The following SLC6A14 variants were observed in gnomAD, a reference collection of about 807,000 sequenced individuals.
SLC6A14 encodes sodium- and chloride-dependent neutral and basic amino acid transporter B(0+).
SLC6A14 carries 21 observed loss-of-function variants against 51.4 expected under a neutral mutation model. The observed-to-expected ratio is 0.41, with a 90% CI of 0.29 to 0.59. The LOEUF (loss-of-function observed/expected upper bound fraction) is 0.59. Ranked by LOEUF, SLC6A14 falls within the 20% of genes least tolerant of loss-of-function variation. The pLI is 0.31. For synonymous variants in SLC6A14, 177 were observed against 160.7 expected, an observed-to-expected ratio of 1.10 and a Z score of -0.77; for missense variants, 371 against 472.8, an observed-to-expected ratio of 0.78 and a Z score of 2.00.
rs112399901 is a variant in SLC6A14, at chrX:116,457,310, A to G, written c.1615-299A>G. 1.4e-3 allele frequency among the ~76,000 whole-genome samples: 161 copies of G among 111,823 alleles called. 1 individual carries two copies. The highest frequency in any genetic ancestry group is 4.8e-3 in the African/African-American group (149 of 30,919). ...AATTTCAGATATTATTTTACTTTCA[A>G]TCTGATATATGGTCAAGTATTTTAT... On this transcript the variant is annotated intron_variant, in intron 12 of 13. Transcript: ENST00000598581.
intron 2 of SLC6A14, among the ~76,000 whole-genome samples, chrX:116,439,907 C>T (rs889437898): frequency 6.3e-5 from 7 of 110,541 alleles, no homozygotes; most frequent in Non-Finnish European, 1.3e-4. Flanking sequence ...TTTATAGACT[C>T]ATTTTTAGTA....
Position 116,439,000 on chromosome X carries a change from C to T in SLC6A14, c.214+1045C>T, listed in dbSNP as rs184218973. Among the ~76,000 whole-genome samples, 88 of 110,940 alleles carry T rather than the reference C, an allele frequency of 7.9e-4. 1 individual carries two copies. Among genetic ancestry groups the T allele is most frequent in the African/African-American group, 2.7e-3 (82 of 30,643 alleles). ...CTGGGTCATTTAGTTGTCTTGGTAT[C>T]GAATATTAGCTGGAAAATGCATCAG... On this transcript the variant is annotated intron_variant, in intron 2 of 13. Coordinates refer to ENST00000598581, the MANE Select transcript of SLC6A14 (RefSeq NM_007231.5).
chrX:116,449,797 G>A (rs782285404), intron 7 of SLC6A14, among the ~76,000 whole-genome samples: 2 of 111,790 alleles, frequency 1.8e-5, no homozygotes, highest in South Asian at 3.7e-4. Context: ...TTGGTATGTG[G>A]CAGAGGTGGC....
intron 2 of SLC6A14, among the ~76,000 whole-genome samples, chrX:116,439,692 C>A (rs1278424139): frequency 9.1e-6 from 1 of 110,451 alleles, no homozygotes; most frequent in Non-Finnish European, 1.9e-5. Context: ...TCACACTCGG[C>A]TGGTAAAGCT....
At chrX:116,441,564 T>C (rs1415140391) in intron 3 of SLC6A14, among the ~76,000 whole-genome samples, 2 of 112,432 alleles carry the variant, frequency 1.8e-5, no homozygotes, top group African/African-American at 6.5e-5. Flanking sequence ...AATAGGACAC[T>C]GGTAAAGCTT....
chrX:116,451,717 C>T, intron 8 of SLC6A14, 47 bp downstream of exon 8: 1 of 744,491 alleles, frequency 1.3e-6, no homozygotes, highest in East Asian at 3.4e-5. Flanking sequence ...CAATGTATCT[C>T]ACTTATGAAA....
Position 116,441,057 on chromosome X carries a change from A to T in SLC6A14, c.306A>T (p.Leu102Phe). The T allele has an allele frequency of 8.3e-7, 1 of 1,210,664 alleles. No individual in the cohort carries two copies. Among genetic ancestry groups the T allele is most frequent in the Non-Finnish European group, 1.1e-6 (1 of 894,663 alleles). The change falls in exon 3 of 14, where the codon TTA becomes TTT. Residue 102 changes from leucine (L) to phenylalanine (F), a missense_variant. Physicochemically the swap from Leu to Phe is conservative, Grantham distance 22. This residue lies in a region of SLC6A14 where 277 missense variants were observed against 391.8 expected (regional missense o/e 0.71). Transcript: ENST00000598581. ...LECSLGQFAS[L>F]GPVSVWRILP... ...GTTCACTGGGACAATTTGCTAGCTT[A>T]GGTCCAGTTTCAGTTTGGAGGATTC...
chrX:116,443,585 G>T, intron 4 of SLC6A14, 58 bp from the exon 5 acceptor site: 1 of 827,765 alleles, frequency 1.2e-6, no homozygotes, highest in Non-Finnish European at 1.6e-6. Context: ...CATTTTCTAG[G>T]AAAGTAATCT....
At chrX:116,446,355 C>A (rs782265068) in intron 6 of SLC6A14, among the ~76,000 whole-genome samples, 1 of 111,526 alleles carries the variant, frequency 9.0e-6, no homozygotes, top group East Asian at 2.8e-4. Flanking sequence ...ATATATTAAC[C>A]AATGCAGGGT....
chrX:116,448,748 A>G (rs1323118811), intron 7 of SLC6A14, among the ~76,000 whole-genome samples: 8 of 111,647 alleles, frequency 7.2e-5, no homozygotes, highest in African/African-American at 2.6e-4. Flanking sequence ...CCTAAGATAT[A>G]TGGGTTTTGT....
In SLC6A14 at chrX:116,438,832, G is replaced by A. The variant is rs190343724; in HGVS notation, c.214+877G>A. ...ATAATTATTTTTCTTAGTATAATAG[G>A]ATTTTGTGTGGTGATATTTCAATCA... On this transcript the variant is annotated intron_variant, in intron 2 of 13. Coordinates refer to ENST00000598581, the MANE Select transcript of SLC6A14 (RefSeq NM_007231.5). Among the ~76,000 whole-genome samples, 319 of 111,701 alleles carry A rather than the reference G, an allele frequency of 2.9e-3. 1 individual carries two copies. Among genetic ancestry groups the A allele is most frequent in the Middle Eastern group, 9.2e-3 (2 of 218 alleles).
intron 7 of SLC6A14, among the ~76,000 whole-genome samples, chrX:116,449,267 T>G (rs1250164242): frequency 8.9e-6 from 1 of 112,013 alleles, no homozygotes; most frequent in Non-Finnish European, 1.9e-5. Context: ...GGTATGAGAT[T>G]AACAGATATG....
rs1448031009 is a variant in SLC6A14 at position 116,448,123 on chromosome X, T to C, written c.930+1242T>C. On this transcript the variant is annotated intron_variant, in intron 7 of 13. Transcript: ENST00000598581. The stretch of plus-strand genomic sequence containing the variant: ...TTTTCTAAATACTTACAAGAGGATG[T>C]GTAATTATTTCTTGTAAAGATTTTT... Among the ~76,000 whole-genome samples, 21 of 112,171 alleles carry C rather than the reference T, an allele frequency of 1.9e-4. No individual in the cohort carries two copies. The Admixed American group carries it at 1.9e-3, about 10-fold the overall frequency.
intron 7 of SLC6A14, among the ~76,000 whole-genome samples, chrX:116,449,270 C>G (rs1191836831): frequency 1.8e-5 from 2 of 111,725 alleles, no homozygotes; most frequent in African/African-American, 6.5e-5. Flanking sequence ...ATGAGATTAA[C>G]AGATATGGAG....
intron 7 of SLC6A14, among the ~76,000 whole-genome samples, chrX:116,450,988 C>G (rs1556694367): frequency 8.9e-6 from 1 of 112,045 alleles, no homozygotes; most frequent in African/African-American, 3.2e-5. Flanking sequence ...ATGATTAAAA[C>G]TACATATATT....
At chrX:116,451,981 A>G (rs1461975822) in intron 8 of SLC6A14, among the ~76,000 whole-genome samples, 1 of 111,828 alleles carries the variant, frequency 8.9e-6, no homozygotes, top group African/African-American at 3.2e-5. Context: ...CTGTACAATT[A>G]TACTATTGGG....
Position 116,436,749 on chromosome X carries a change from G to C in SLC6A14, c.40G>C (p.Glu14Gln). The stretch of plus-strand genomic sequence containing the variant: ...ATGCCCGAGTTTCTTCAAGTGCAGG[G>C]AGAAGGAGGTAGGGGTCTGGGAGCT... ...LKCPSFFKCR[E>Q]KEKVSASSEN... Residue 14 changes from glutamate (E) to glutamine (Q), a missense_variant, in exon 1 of 14, where the codon GAG becomes CAG. Transcript: ENST00000598581. 1.7e-6 allele frequency: 2 copies of C among 1,165,847 alleles called. No individual in the cohort carries two copies. The highest frequency in any genetic ancestry group is 1.9e-5 in the South Asian group (1 of 52,432).
chrX:116,442,913 T>C, intron 4 of SLC6A14, 65 bp downstream of exon 4: 1 of 822,432 alleles, frequency 1.2e-6, no homozygotes, highest in Non-Finnish European at 1.7e-6. Context: ...AAGGGTCAAA[T>C]CATTCTCTAA....
In SLC6A14 at chrX:116,459,936, G is replaced by C. The variant is rs1556695041; in HGVS notation, c.*981G>C. 9.0e-6 allele frequency: 1 copy of C among 111,483 alleles called. No individual in the cohort carries two copies. 9.2% of individuals were successfully genotyped at this position (111,483 alleles called of 1,213,427 possible). ...TTGCATACTATTGGAAGATAAACTT[G>C]TCAAACTTGTCAAGAATGAGAAAAG... On this transcript the variant is annotated 3_prime_UTR_variant, in exon 14 of 14. Transcript: ENST00000598581.
Sources: allele counts gnomAD v4.1 joint callset (sites outside exome capture counted in the v4.1 genomes callset), GRCh38; gene constraint gnomAD v4.1.1; regional missense constraint gnomAD v4.1.1; transcripts MANE v1.5; gene names NCBI Gene and HGNC (gene_info 2026-07-23, HGNC 2026-07-21).